MUCL1: variants seen among roughly 807,000 people sequenced by gnomAD.
MUCL1 encodes the protein mucin-like protein 1.
Under a neutral mutation model 9.2 loss-of-function variants are expected in MUCL1, and 11 were observed. The ratio of observed to expected loss-of-function variants is 1.19; its 90% CI spans 0.75 to 1.97. The LOEUF is 1.97. Among genes scored for constraint, MUCL1 ranks in the 30% most tolerant of loss-of-function variants. The pLI is 0.00. For missense variants in MUCL1, 144 were observed against 110.9 expected (o/e 1.30, Z -1.34); for synonymous variants, 48 against 40.5 (o/e 1.19, Z -0.71).
At chr12:54,855,684 G>A (rs1868293309) in intron 2 of MUCL1, among the ~76,000 whole-genome samples, 1 of 152,294 alleles carries the variant, frequency 6.6e-6, no homozygotes, top group South Asian at 2.1e-4. Flanking sequence ...TCTCTAACCT[G>A]AAAACGAAGG....
At chr12:54,848,355 T>G (rs1304492364) in intron 1 of MUCL1, among the ~76,000 whole-genome samples, 1 of 152,158 alleles carries the variant, frequency 6.6e-6, no homozygotes, top group Non-Finnish European at 1.5e-5. Context: ...AATTTGGGGA[T>G]TAATAATAGA....
At chr12:54,855,747 C>T (rs1030982611) in intron 2 of MUCL1, among the ~76,000 whole-genome samples, 3 of 152,240 alleles carry the variant, frequency 2.0e-5, no homozygotes, top group Non-Finnish European at 4.4e-5. Flanking sequence ...GTGTTCTTCA[C>T]ATTCTGTACT....
rs1010586458 is a variant in MUCL1, at chr12:54,856,836, C to T, written c.167C>T (p.Ala56Val). 1.6e-5 allele frequency: 25 copies of T among 1,612,606 alleles called. No individual in the cohort carries two copies. The highest frequency in any genetic ancestry group is 2.0e-5 in the Non-Finnish European group (23 of 1,179,054). The change falls in exon 3 of 4, where the codon GCT (alanine) becomes GTT (valine). Residue 56 changes from alanine (A) to valine (V), a missense_variant. Physicochemically the swap from Ala to Val is moderately conservative, Grantham distance 64. Transcript: ENST00000308796. Reference protein sequence around the residue: ...TTAAATTATTAAPTTATTAAS... With the variant: ...TTAAATTATTVAPTTATTAAS... ...GCTGCTGCAACCACTGCAACCACTG[C>T]TGCTCCTACCACTGCAACCACCGCT... is the stretch of plus-strand genomic sequence containing the variant.
At chr12:54,846,810 A>C (rs111249818) in intron 1 of MUCL1, among the ~76,000 whole-genome samples, 32 of 152,316 alleles carry the variant, frequency 2.1e-4, no homozygotes, top group African/African-American at 7.0e-4. Context: ...AATAATGACT[A>C]TGCTCACTTG....
chr12:54,850,172 T>C (rs1377623147), upstream of MUCL1, among the ~76,000 whole-genome samples: 1 of 152,216 alleles, frequency 6.6e-6, no homozygotes, highest in South Asian at 2.1e-4. Context: ...TTTTTTTTTA[T>C]TATTACACTT....
chr12:54,855,753 G>A (rs986251732), intron 2 of MUCL1, among the ~76,000 whole-genome samples: 7 of 152,186 alleles, frequency 4.6e-5, no homozygotes, highest in African/African-American at 9.7e-5. Context: ...TTCACATTCT[G>A]TACTGTGTGT....
chr12:54,834,024 C>T (rs963895871), intron 1 of MUCL1, among the ~76,000 whole-genome samples: 1 of 151,802 alleles, frequency 6.6e-6, no homozygotes, highest in East Asian at 1.9e-4. Flanking sequence ...TATAACTATA[C>T]CCTCTGAATG....
chr12:54,843,272 A>G (rs561521700), intron 1 of MUCL1, among the ~76,000 whole-genome samples: 26 of 152,338 alleles, frequency 1.7e-4, no homozygotes, highest in Middle Eastern at 3.4e-3. Flanking sequence ...GCTGTTAATT[A>G]AGACAATACT....
chr12:54,836,618 C>T (rs953170919), upstream of MUCL1, among the ~76,000 whole-genome samples: 2 of 151,958 alleles, frequency 1.3e-5, no homozygotes, highest in Admixed American at 1.3e-4. Context: ...TTTTCTTCTG[C>T]TAGTTTTGGG....
intron 2 of MUCL1, among the ~76,000 whole-genome samples, chr12:54,856,440 C>T (rs1334126166): frequency 6.6e-6 from 1 of 152,152 alleles, no homozygotes; most frequent in Admixed American, 6.6e-5. Context: ...TAGAGATTTC[C>T]TTATTGCTTC....
Position 54,858,287 on chromosome 12 carries a change from T to C in MUCL1, c.*45T>C. ...TTCTGCAATTGGTCACAACTATTCATGCTTCCTGTGATTTCATCCAACTAC... is the reference window on the plus strand; with the variant it reads ...TTCTGCAATTGGTCACAACTATTCACGCTTCCTGTGATTTCATCCAACTAC... On this transcript the variant is annotated 3_prime_UTR_variant, in exon 4 of 4. Coordinates refer to ENST00000308796, the MANE Select transcript of MUCL1 (RefSeq NM_058173.3). 2.5e-6 allele frequency: 4 copies of C among 1,610,202 alleles called. No individual in the cohort carries two copies. The South Asian group carries it at 3.3e-5, about 13-fold the overall frequency.
upstream of MUCL1, among the ~76,000 whole-genome samples, chr12:54,838,431 C>T (rs1383736197): frequency 6.6e-6 from 1 of 152,106 alleles, no homozygotes; most frequent in Non-Finnish European, 1.5e-5. Context: ...TGTCATGAAT[C>T]CCACAGGTGT....
intron 1 of MUCL1, 55 bp from the exon 2 acceptor site, chr12:54,855,061 C>A: frequency 6.7e-7 from 1 of 1,483,316 alleles, no homozygotes; most frequent in South Asian, 1.2e-5. Flanking sequence ...CTCTTACCTC[C>A]ATCCTCCAAA....
chr12:54,844,024 G>T (rs1959228473), intron 1 of MUCL1, among the ~76,000 whole-genome samples: 1 of 151,904 alleles, frequency 6.6e-6, no homozygotes, highest in African/African-American at 2.4e-5. Context: ...GTAATTTATT[G>T]TTTATAAATT....
intron 1 of MUCL1, among the ~76,000 whole-genome samples, chr12:54,831,989 G>A (rs1959186077): frequency 2.0e-5 from 3 of 151,966 alleles, no homozygotes. Flanking sequence ...AAGTTTTCAG[G>A]GAAAATAGGA....
chr12:54,852,570 A>G (rs1380633747), upstream of MUCL1, among the ~76,000 whole-genome samples: 3 of 152,224 alleles, frequency 2.0e-5, no homozygotes, highest in East Asian at 3.8e-4. Context: ...TTTCCTGTTT[A>G]ATCCACTGTG....
upstream of MUCL1, among the ~76,000 whole-genome samples, chr12:54,850,691 G>A (rs1457629372): frequency 6.6e-6 from 1 of 152,054 alleles, no homozygotes; most frequent in Admixed American, 6.6e-5. Flanking sequence ...GGGATGGCTG[G>A]GTCAAATGGT....
At chr12:54,840,685 G>T (rs1012054368) in intron 1 of MUCL1, among the ~76,000 whole-genome samples, 2 of 152,176 alleles carry the variant, frequency 1.3e-5, no homozygotes, top group African/African-American at 4.8e-5. Flanking sequence ...CCATATGTGG[G>T]TATAAGCAGT....
upstream of MUCL1, among the ~76,000 whole-genome samples, chr12:54,839,217 C>T (rs1283237477): frequency 6.6e-6 from 1 of 152,084 alleles, no homozygotes; most frequent in Non-Finnish European, 1.5e-5. Context: ...TATAGAGAGT[C>T]TTTGTATAGT....
Sources: allele counts gnomAD v4.1 joint callset (sites outside exome capture counted in the v4.1 genomes callset), GRCh38; gene constraint gnomAD v4.1.1; transcripts MANE v1.5; gene names NCBI Gene and HGNC (gene_info 2026-07-23, HGNC 2026-07-21).